Variants in SAMD14 observed in about 807,000 individuals in gnomAD.
SAMD14 encodes sterile alpha motif domain-containing protein 14.
In SAMD14, 27 loss-of-function variants were observed where a neutral mutation model predicts 46.2. The observed-to-expected ratio is 0.58, with a 90% CI of 0.43 to 0.81. SAMD14 has a LOEUF of 0.81. SAMD14 is among the 30% of genes least tolerant of loss of function. The pLI, the probability that SAMD14 is intolerant of heterozygous loss-of-function variation, is 0.00. For missense variants in SAMD14, 559 were observed against 582.2 expected, an observed-to-expected ratio of 0.96 and a Z score of 0.41; for synonymous variants, 241 against 254.3, an observed-to-expected ratio of 0.95 and a Z score of 0.50.
chr17:50,113,549 C>A, intron 9 of SAMD14: 1 of 304,826 alleles, frequency 3.3e-6, no homozygotes, highest in South Asian at 3.8e-5. Flanking sequence ...CCACTATTAC[C>A]ACTAGCCTCT....
At chr17:50,117,759 C>T (rs1911302717) in intron 3 of SAMD14, 64 bp from the exon 4 acceptor site, 2 of 1,368,140 alleles carry the variant, frequency 1.5e-6, no homozygotes, top group Non-Finnish European at 1.9e-6. Flanking sequence ...AGCTGGGAGA[C>T]TTTCACCCTG....
At chr17:50,117,055 T>C (rs1911242518) in intron 4 of SAMD14, among the ~76,000 whole-genome samples, 1 of 152,168 alleles carries the variant, frequency 6.6e-6, no homozygotes, top group Admixed American at 6.5e-5. Context: ...CTCGCTATGT[T>C]GCCCAGGCTG....
chr17:50,116,319 C>T (rs1911196019), intron 4 of SAMD14: 2 of 552,208 alleles, frequency 3.6e-6, no homozygotes, highest in Non-Finnish European at 6.2e-6. Context: ...TAATGGGATG[C>T]TTATGACAGC....
intron 2 of SAMD14, among the ~76,000 whole-genome samples, chr17:50,121,144 T>C: frequency 6.6e-6 from 1 of 152,116 alleles, no homozygotes; most frequent in East Asian, 1.9e-4. Context: ...TCTCCTCTCC[T>C]CTGGACCGAA....
rs1351052383 is a variant in SAMD14 at position 50,115,315 on chromosome 17, T to G, written c.822+249A>C. Among the ~76,000 whole-genome samples the G allele has an allele frequency of 6.6e-6, 1 of 152,126 alleles. No individual in the cohort carries two copies. The highest frequency in any genetic ancestry group is 1.5e-5 in the Non-Finnish European group (1 of 68,030). ...AGCTGGGTGAACAGTAGGGAATCAG[T>G]GTTTAGTGATTTGTTGAATGCATGA... On this transcript the variant is annotated intron_variant, in intron 7 of 9. Transcript: ENST00000330175. The surrounding 1 kb of genome is among the most constrained non-coding windows in gnomAD (Gnocchi z 5.3).
rs150475255 is a variant in SAMD14 at position 50,110,222 on chromosome 17, C to T, written c.*2671G>A. On this transcript the variant is annotated 3_prime_UTR_variant, in exon 10 of 10. Coordinates refer to ENST00000330175, the MANE Select transcript of SAMD14 (RefSeq NM_001257359.2). ...TCTCCCTGATGACCAGGTTCTGTCT[C>T]TATGGAAGTCACTGCGGTGATAGGT... is the stretch of plus-strand genomic sequence containing the variant. The T allele has an allele frequency of 1.0e-3, 1,107 of 1,071,510 alleles. 5 individuals carry two copies. The African/African-American group carries it at 0.015, about 15-fold the overall frequency. The allele number at this position is 1,071,510 out of a possible 1,614,324, so 66.4% of individuals were successfully genotyped here.
intron 3 of SAMD14, chr17:50,117,907 T>A (rs183592084): frequency 1.2e-5 from 8 of 642,564 alleles, no homozygotes; most frequent in Admixed American, 1.1e-4. Flanking sequence ...TTCCCCCTCC[T>A]TCACTTACTG....
intron 1 of SAMD14, chr17:50,125,243 T>TCCA (rs1911712098): frequency 2.3e-6 from 1 of 442,352 alleles, no homozygotes; most frequent in Non-Finnish European, 4.2e-6. Context: ...GGTATCCTGG[T>TCCA]CCACTGATTT....
chr17:50,117,361 C>T, intron 4 of SAMD14, 46 bp downstream of exon 4: 1 of 1,268,398 alleles, frequency 7.9e-7, no homozygotes, highest in African/African-American at 1.5e-5. Flanking sequence ...AGGGCTGCTG[C>T]GCCCGGGAGC....
chr17:50,120,400 C>T (rs1911447822), intron 2 of SAMD14, among the ~76,000 whole-genome samples: 1 of 152,102 alleles, frequency 6.6e-6, no homozygotes, highest in Admixed American at 6.6e-5. Flanking sequence ...TTCACAGTCT[C>T]TTAGACCAGA....
intron 2 of SAMD14, among the ~76,000 whole-genome samples, chr17:50,123,189 C>T (rs567955989): frequency 1.3e-5 from 2 of 152,202 alleles, no homozygotes; most frequent in South Asian, 2.1e-4. Flanking sequence ...TTAATTTGCC[C>T]GAGGGCATAA....
Position 50,112,886 on chromosome 17 carries a change from C to T in SAMD14, c.*7G>A, listed in dbSNP as rs953427995. 1.2e-6 allele frequency: 2 copies of T among 1,601,506 alleles called. No homozygotes were observed. The highest frequency in any genetic ancestry group is 1.7e-5 in the Admixed American group (1 of 59,682). On this transcript the variant is annotated 3_prime_UTR_variant, in exon 10 of 10. Transcript: ENST00000330175. ...CCTGCCGGGTGCCAGCGCCTGTGCA[C>T]CCTCCCCTAGCTCTTCTTGGCCTCC...
intron 9 of SAMD14, chr17:50,113,601 T>A: frequency 2.8e-6 from 1 of 357,610 alleles, no homozygotes; most frequent in Non-Finnish European, 5.2e-6. Context: ...AGATGTGGCT[T>A]CCCATGATAC....
At chr17:50,118,352 A>C (rs372332569) in intron 2 of SAMD14, 25 bp from the exon 3 acceptor site, 1 of 1,607,236 alleles carries the variant, frequency 6.2e-7, no homozygotes, top group Non-Finnish European at 8.5e-7. Context: ...AGGGGAGCAG[A>C]GACCAGACAC....
intron 7 of SAMD14, 191 bp from the exon 8 acceptor site, chr17:50,114,497 A>G: frequency 3.3e-6 from 5 of 1,535,276 alleles, no homozygotes; most frequent in South Asian, 2.4e-5. Flanking sequence ...CCTTTGGGAG[A>G]GCAGGCAGCC....
chr17:50,113,645 AG>A (rs1567717717), intron 9 of SAMD14: 2 of 482,320 alleles, frequency 4.1e-6, no homozygotes, highest in Non-Finnish European at 7.6e-6. Context: ...GTCATCCTAG[AG>A]GGCAAGGTCA....
chr17:50,124,307 G>C (rs1042712607), intron 2 of SAMD14: 1 of 391,298 alleles, frequency 2.6e-6, no homozygotes, highest in Non-Finnish European at 5.3e-6. Flanking sequence ...GGGCGTGCAG[G>C]CCAGCATGAG....
At chr17:50,128,295 A>T (rs373659862) in intron 1 of SAMD14, among the ~76,000 whole-genome samples, 1 of 152,060 alleles carries the variant, frequency 6.6e-6, no homozygotes, top group Non-Finnish European at 1.5e-5. Context: ...GATTCAGCAC[A>T]AACTGCTCTC....
In SAMD14 at chr17:50,115,633, C is replaced by T. The variant is rs780797720; in HGVS notation, c.753G>A (p.Ser251=). ...FTDSGKGSAS[S]GSTTSPTCSP... is the part of the protein sequence containing the mutation. ...AGCAGGTGGGGGAGGTGGTGCTACC[C>T]GAGGATGCTGAGCCCTTGCCGCTGT... is the stretch of plus-strand genomic sequence containing the variant. The change falls in exon 7 of 10, where the codon TCG becomes TCA. Residue 251 remains serine (S), a synonymous_variant. Transcript: ENST00000330175. This position sits in a 1 kb window ranked among gnomAD's most constrained non-coding sequence, Gnocchi z 5.3. 2.3e-5 allele frequency: 37 copies of T among 1,605,836 alleles called. No individual in the cohort carries two copies. Among genetic ancestry groups the T allele is most frequent in the South Asian group, 4.5e-5 (4 of 89,876 alleles).
Sources: allele counts gnomAD v4.1 joint callset (sites outside exome capture counted in the v4.1 genomes callset), GRCh38; gene constraint gnomAD v4.1.1; non-coding constraint Gnocchi (gnomAD v3.1); transcripts MANE v1.5; gene names NCBI Gene and HGNC (gene_info 2026-07-23, HGNC 2026-07-21).